The following ELMO1 variants were observed in gnomAD, a reference collection of about 807,000 sequenced individuals.
ELMO1 encodes the protein engulfment and cell motility protein 1.
Under a neutral mutation model 98.9 loss-of-function variants are expected in ELMO1, and 26 were observed. That is an observed-to-expected ratio of 0.26 (90% confidence interval 0.19 to 0.36). ELMO1 has a LOEUF of 0.36. Ranked by LOEUF, ELMO1 falls within the 10% of genes least tolerant of loss-of-function variation. ELMO1 has a pLI of 1.00. For missense variants in ELMO1, 627 were observed against 935.2 expected (o/e 0.67, Z 4.30); for synonymous variants, 346 against 346.0 (o/e 1.00, Z 0.00).
chr7:37,273,212 T>C (rs1796660960), intron 4 of ELMO1, among the ~76,000 whole-genome samples: 1 of 152,250 alleles, frequency 6.6e-6, no homozygotes, highest in Admixed American at 6.5e-5. Context: ...ACTTAGCATC[T>C]GGTGTGGTTT....
At chr7:37,104,086 A>G (rs1784810148) in intron 14 of ELMO1, among the ~76,000 whole-genome samples, 1 of 148,962 alleles carries the variant, frequency 6.7e-6, no homozygotes, top group Non-Finnish European at 1.5e-5. Flanking sequence ...ATTTTCTTCC[A>G]GTCAAGACGT....
At chr7:37,349,488 CTGT>C (rs1801160404) in intron 1 of ELMO1, among the ~76,000 whole-genome samples, 1 of 152,094 alleles carries the variant, frequency 6.6e-6, no homozygotes, top group Admixed American at 6.6e-5. Flanking sequence ...AAGTCTCACT[CTGT>C]CACCCAGGCT....
chr7:36,954,130 T>C (rs1347194629), intron 16 of ELMO1, among the ~76,000 whole-genome samples: 2 of 152,130 alleles, frequency 1.3e-5, no homozygotes, highest in Admixed American at 1.3e-4. Context: ...GCAAGAGTTC[T>C]TCATGATCTG....
chr7:36,962,820 C>CT (rs754287673), intron 16 of ELMO1, among the ~76,000 whole-genome samples: 10 of 151,916 alleles, frequency 6.6e-5, no homozygotes, highest in Non-Finnish European at 1.2e-4. Flanking sequence ...TAAATAAAAG[C>CT]TTTGGGTATG....
intron 16 of ELMO1, among the ~76,000 whole-genome samples, chr7:36,938,043 C>G (rs1306817537): frequency 6.6e-6 from 1 of 152,160 alleles, no homozygotes; most frequent in Non-Finnish European, 1.5e-5. Flanking sequence ...AACAGACTTG[C>G]CAGTTTATGA....
intron 6 of ELMO1, among the ~76,000 whole-genome samples, chr7:37,257,130 T>C (rs1584881338): frequency 6.6e-6 from 1 of 152,188 alleles, no homozygotes; most frequent in Admixed American, 6.5e-5. Flanking sequence ...TTAAAGGAGT[T>C]GTCTCTCCAC....
At chr7:36,953,078 G>A (rs186824595) in intron 16 of ELMO1, among the ~76,000 whole-genome samples, 2,494 of 146,212 alleles carry the variant, frequency 0.017, 74 homozygotes, top group African/African-American at 0.06. Flanking sequence ...CCATTCTCCT[G>A]CCTCAGCCTC....
intron 1 of ELMO1, among the ~76,000 whole-genome samples, chr7:37,399,159 T>C (rs1803418919): frequency 6.6e-6 from 1 of 152,128 alleles, no homozygotes; most frequent in Non-Finnish European, 1.5e-5. Context: ...TGCCCCCTGC[T>C]GTGATGTCAT....
Position 37,249,330 on chromosome 7 carries a change from A to T in ELMO1, c.414-4939T>A, listed in dbSNP as rs529209748. 4.1e-4 allele frequency among the ~76,000 whole-genome samples: 63 copies of T among 152,348 alleles called. 1 individual carries two copies. Among genetic ancestry groups the T allele is most frequent in the Admixed American group, 1.4e-3 (22 of 15,298 alleles). On this transcript the variant is annotated intron_variant, in intron 6 of 21. Transcript: ENST00000310758. Reference sequence around the variant, plus strand: ...CATACACACAGCACTAGACTTTTCCATCTGTGTCATATGTATGACAGAGTG... The same window carrying T: ...CATACACACAGCACTAGACTTTTCCTTCTGTGTCATATGTATGACAGAGTG...
intron 16 of ELMO1, among the ~76,000 whole-genome samples, chr7:36,972,504 G>C (rs1007138082): frequency 2.0e-5 from 3 of 152,246 alleles, no homozygotes; most frequent in African/African-American, 7.2e-5. Flanking sequence ...AGCAGGGTCG[G>C]TTCCTCTTGA....
intron 15 of ELMO1, among the ~76,000 whole-genome samples, chr7:37,051,803 T>C (rs1796123610): frequency 6.6e-6 from 1 of 152,196 alleles, no homozygotes; most frequent in East Asian, 1.9e-4. Flanking sequence ...AATCTGCAAA[T>C]ATGTGAAAGG....
At chr7:37,238,429 T>A (rs538018417) in intron 7 of ELMO1, among the ~76,000 whole-genome samples, 1 of 152,326 alleles carries the variant, frequency 6.6e-6, no homozygotes, top group Admixed American at 6.5e-5. Context: ...CCTTGCTAAA[T>A]TCAATTATAT....
rs200023738 is a variant in ELMO1, at chr7:36,861,775, C to T, written c.1906-39G>A. On this transcript the variant is annotated intron_variant, in intron 20 of 21. Transcript: ENST00000310758. ...GAGAAAACAGCACCTTAAGGAAAAT[C>T]GGCACATTTCATTTTGCAGTTGCAA... 64 of 1,597,554 alleles carry T rather than the reference C, an allele frequency of 4.0e-5. No homozygotes were observed. The Middle Eastern group carries it at 3.5e-3, about 87-fold the overall frequency.
At chr7:37,360,380 G>A (rs986744618) in intron 1 of ELMO1, among the ~76,000 whole-genome samples, 1 of 148,962 alleles carries the variant, frequency 6.7e-6, no homozygotes, top group Non-Finnish European at 1.5e-5. Context: ...TCACTGGGAA[G>A]TAACACGGCT....
chr7:37,401,823 T>G (rs116591337), intron 1 of ELMO1, among the ~76,000 whole-genome samples: 9 of 152,212 alleles, frequency 5.9e-5, no homozygotes, highest in Admixed American at 3.3e-4. Context: ...GGGCACACAG[T>G]CAAGCCATAT....
intron 2 of ELMO1, among the ~76,000 whole-genome samples, chr7:37,340,635 A>G (rs1252232134): frequency 3.9e-5 from 6 of 152,242 alleles, no homozygotes; most frequent in Non-Finnish European, 7.3e-5. Flanking sequence ...CAAGATTAAG[A>G]TATTAACATA....
intron 4 of ELMO1, among the ~76,000 whole-genome samples, chr7:37,278,011 C>T (rs548956276): frequency 1.3e-5 from 2 of 152,248 alleles, no homozygotes; most frequent in East Asian, 3.9e-4. Flanking sequence ...TTCCACCAAT[C>T]CAAACTGTTG....
chr7:36,915,251 A>G (rs1023146394), intron 16 of ELMO1, among the ~76,000 whole-genome samples: 1 of 152,192 alleles, frequency 6.6e-6, no homozygotes, highest in South Asian at 2.1e-4. Context: ...GGTTTCTTAA[A>G]CAATCAGCCC....
intron 1 of ELMO1, among the ~76,000 whole-genome samples, chr7:37,344,033 AT>A (rs10626425): frequency 2.4e-3 from 323 of 134,530 alleles, no homozygotes; most frequent in African/African-American, 6.1e-3. Context: ...AAAAGGCAGC[AT>A]TTTTTTTTTT....
Sources: gnomAD v4.1 joint callset for allele counts (sites outside exome capture counted in the v4.1 genomes callset) on GRCh38, gnomAD v4.1.1 for gene constraint, MANE v1.5 for transcripts, NCBI Gene and HGNC (gene_info 2026-07-23, HGNC 2026-07-21) for gene names.